LRRK2: variants seen among roughly 807,000 people sequenced by gnomAD.
The protein encoded by LRRK2 is leucine rich repeat kinase 2.
LRRK2 carries 203 observed loss-of-function variants against 302.6 expected under a neutral mutation model. The ratio of observed to expected loss-of-function variants is 0.67; its 90% CI spans 0.60 to 0.75. The LOEUF is 0.75. Ranked by LOEUF, LRRK2 falls within the 30% of genes least tolerant of loss-of-function variation. The pLI, the probability that LRRK2 is intolerant of heterozygous loss-of-function variation, is 0.00. For synonymous variants in LRRK2, 1,066 were observed against 1,031.9 expected (o/e 1.03, Z -0.63); for missense variants, 2,830 against 2,951.0 (o/e 0.96, Z 0.95).
intron 46 of LRRK2, among the ~76,000 whole-genome samples, chr12:40,356,918 CCATGAG>C (rs1426886839): frequency 1.3e-5 from 2 of 152,128 alleles, no homozygotes; most frequent in African/African-American, 4.8e-5. Flanking sequence ...ATATCCATCA[CCATGAG>C]CATTTATTTC....
At chr12:40,294,958 A>C (rs777411932) in intron 22 of LRRK2, 44 bp downstream of exon 22, 1 of 1,194,324 alleles carries the variant, frequency 8.4e-7, no homozygotes, top group East Asian at 2.4e-5. Flanking sequence ...TATTTTGGGC[A>C]GAATGCAGTG....
At chr12:40,304,205 A>T in intron 27 of LRRK2, 71 bp downstream of exon 27, 3 of 1,461,168 alleles carry the variant, frequency 2.1e-6, no homozygotes, top group Non-Finnish European at 2.8e-6. Flanking sequence ...ATTTTAAGTG[A>T]TATTTAGCTT....
chr12:40,309,560 A>G (rs1442922619), intron 30 of LRRK2, among the ~76,000 whole-genome samples: 2 of 152,114 alleles, frequency 1.3e-5, no homozygotes, highest in African/African-American at 4.8e-5. Flanking sequence ...AAAATAAGCT[A>G]TATTAAAGAA....
At chr12:40,225,461 C>T in intron 1 of LRRK2, 94 bp from the exon 2 acceptor site, 1 of 1,321,346 alleles carries the variant, frequency 7.6e-7, no homozygotes. Context: ...AAGGTCTTCA[C>T]CTTTTTGACT....
At chr12:40,343,467 G>T (rs1946108625) in intron 41 of LRRK2, among the ~76,000 whole-genome samples, 1 of 152,122 alleles carries the variant, frequency 6.6e-6, no homozygotes, top group African/African-American at 2.4e-5. Flanking sequence ...ATCTGATGGA[G>T]ATTATGGAAC....
At chr12:40,305,662 G>A in intron 27 of LRRK2, 123 bp from the exon 28 acceptor site, 1 of 844,010 alleles carries the variant, frequency 1.2e-6, no homozygotes, top group South Asian at 1.4e-5. Context: ...TTAAAACTCT[G>A]TTGAAAGGTT....
At chr12:40,249,685 G>A (rs146189739) in intron 7 of LRRK2, 141 bp from the exon 8 acceptor site, 10 of 911,750 alleles carry the variant, frequency 1.1e-5, no homozygotes, top group Non-Finnish European at 1.2e-5. Flanking sequence ...ATCATATTAA[G>A]CTATTTTAAT....
At chr12:40,332,932 A>G (rs1168295152) in intron 39 of LRRK2, among the ~76,000 whole-genome samples, 12 of 147,820 alleles carry the variant, frequency 8.1e-5, no homozygotes, top group African/African-American at 1.3e-4. Flanking sequence ...TTAAAAAAAA[A>G]GGGGTGTGCA....
chr12:40,301,325 G>A (rs1401638614), intron 25 of LRRK2, among the ~76,000 whole-genome samples: 4 of 152,172 alleles, frequency 2.6e-5, no homozygotes, highest in Non-Finnish European at 2.9e-5. Context: ...TCGGGAGGCT[G>A]AGGCAGAAGA....
rs1345048926 is a variant in LRRK2 at position 40,287,389 on chromosome 12, C to A, written c.2539C>A (p.Gln847Lys). 6.2e-7 allele frequency: 1 copy of A among 1,612,516 alleles called. No individual in the cohort carries two copies. Among genetic ancestry groups the A allele is most frequent in the South Asian group, 1.1e-5 (1 of 91,044 alleles). ...ACTAGCAAGAATGGTGATCAGATAT[C>A]AGATGAAAAGTGCTGTGGAAGAAGG... ...STLARMVIRY[Q>K]MKSAVEEGTA... is the part of the protein sequence containing the mutation. The change falls in exon 20 of 51, where the codon CAG becomes AAG. Residue 847 changes from glutamine (Q) to lysine (K), a missense_variant. Coordinates refer to ENST00000298910, the MANE Select transcript of LRRK2 (RefSeq NM_198578.4).
intron 26 of LRRK2, 101 bp from the exon 27 acceptor site, chr12:40,303,847 G>A (rs1460271298): frequency 2.0e-5 from 23 of 1,137,024 alleles, no homozygotes; most frequent in South Asian, 1.3e-4. Context: ...TAGTTTTGAC[G>A]TTACACTTTA....
rs12422278 is a variant in LRRK2 at position 40,369,211 on chromosome 12, T to A, written c.*1446T>A. ...CATTGTTACTTTGTATTTGCAATTT[T>A]TTTTACCAAAGACAAATTAAAAAAA... On this transcript the variant is annotated 3_prime_UTR_variant, in exon 51 of 51. Transcript: ENST00000298910. The A allele has an allele frequency of 0.033, 5,042 of 151,890 alleles. 232 individuals carry two copies. The highest frequency in any genetic ancestry group is 0.12 in the Admixed American group (1,796 of 15,188). 9.4% of individuals were successfully genotyped at this position (151,890 alleles called of 1,614,324 possible).
rs17443387 is a variant in LRRK2, at chr12:40,226,833, A to T, written c.237+1193A>T. Among the ~76,000 whole-genome samples the T allele has an allele frequency of 5.2e-3, 787 of 152,184 alleles. 3 individuals carry two copies. The highest frequency in any genetic ancestry group is 7.8e-3 in the Non-Finnish European group (531 of 67,992). ...GTGCTTCCTGCTCTGCACCCACGTCATCCCTTCTTACTTGTCTCTGCTTTG... is the reference window on the plus strand; with the variant it reads ...GTGCTTCCTGCTCTGCACCCACGTCTTCCCTTCTTACTTGTCTCTGCTTTG... On this transcript the variant is annotated intron_variant, in intron 2 of 50. Coordinates refer to ENST00000298910, the MANE Select transcript of LRRK2 (RefSeq NM_198578.4).
At chr12:40,301,642 G>A (rs1944629953) in intron 25 of LRRK2, among the ~76,000 whole-genome samples, 1 of 152,128 alleles carries the variant, frequency 6.6e-6, no homozygotes, top group African/African-American at 2.4e-5. Context: ...TTTGACCCTT[G>A]AAGATTGTCT....
At position 40,225,112 on chromosome 12, in the gene LRRK2, G is replaced by A; in HGVS notation, c.-20G>A. 6.2e-7 allele frequency: 1 copy of A among 1,613,242 alleles called. No individual in the cohort carries two copies. Among genetic ancestry groups the A allele is most frequent in the East Asian group, 2.2e-5 (1 of 44,860 alleles). ...GGACGTTCATGCTGGGAGGGCGGCGGGTTGGAAGCAGGTGCCACCATGGCT... is the reference window on the plus strand; with the variant it reads ...GGACGTTCATGCTGGGAGGGCGGCGAGTTGGAAGCAGGTGCCACCATGGCT... On this transcript the variant is annotated 5_prime_UTR_variant, in exon 1 of 51. Coordinates refer to ENST00000298910, the MANE Select transcript of LRRK2 (RefSeq NM_198578.4).
chr12:40,246,769 C>T (rs1942004662), intron 7 of LRRK2, among the ~76,000 whole-genome samples: 1 of 152,150 alleles, frequency 6.6e-6, no homozygotes, highest in African/African-American at 2.4e-5. Context: ...CCTTACCTTG[C>T]AGAGAGTCTG....
At chr12:40,349,895 G>C (rs923436453) in intron 43 of LRRK2, among the ~76,000 whole-genome samples, 2 of 152,170 alleles carry the variant, frequency 1.3e-5, no homozygotes, top group Non-Finnish European at 2.9e-5. Context: ...GCTACATACA[G>C]GTCTTGCATA....
chr12:40,366,726 G>A (rs538813968), intron 49 of LRRK2: 2 of 346,012 alleles, frequency 5.8e-6, no homozygotes, highest in African/African-American at 2.1e-5. Flanking sequence ...ACTTTGGGAA[G>A]GGTAATGTAT....
chr12:40,235,510 A>G, intron 3 of LRRK2, 116 bp from the exon 4 acceptor site: 1 of 713,678 alleles, frequency 1.4e-6, no homozygotes, highest in Non-Finnish European at 2.5e-6. Context: ...GAGCTTCACT[A>G]CAGGGAATTA....
Sources: gnomAD v4.1 joint callset for allele counts (sites outside exome capture counted in the v4.1 genomes callset) on GRCh38, gnomAD v4.1.1 for gene constraint, MANE v1.5 for transcripts, NCBI Gene and HGNC (gene_info 2026-07-23, HGNC 2026-07-21) for gene names.